MXRA5: variants seen among roughly 807,000 people sequenced by gnomAD.
MXRA5 encodes matrix remodeling associated 5.
MXRA5 carries 41 observed loss-of-function variants against 112.5 expected under a neutral mutation model. The ratio of observed to expected loss-of-function variants is 0.36; its 90% confidence interval spans 0.28 to 0.47. The LOEUF is 0.47. Among genes scored for constraint, MXRA5 ranks in the 20% least tolerant of loss-of-function variants. MXRA5 has a pLI of 0.99. For synonymous variants in MXRA5, 862 were observed against 900.8 expected (o/e 0.96, Z 0.77); for missense variants, 2,150 against 2,251.0 (o/e 0.96, Z 0.91).
chrX:3,321,533 C>T lies in MXRA5; in HGVS notation c.4152G>A (p.Arg1384=). Residue 1384 remains arginine (R), a synonymous_variant, in exon 5 of 7, where the codon AGG becomes AGA. Transcript: ENST00000217939. The part of the protein sequence containing the change: ...FPGTPTWNPS[R]TAQPGRLQTG... ...TCTGTAGCCTCCCAGGCTGGGCCGT[C>T]CTTGAGGGATTCCAGGTTGGAGTTC... 8.3e-7 allele frequency: 1 copy of T among 1,210,152 alleles called. No individual in the cohort carries two copies. Among genetic ancestry groups the T allele is most frequent in the Non-Finnish European group, 1.1e-6 (1 of 894,688 alleles).
chrX:3,324,008 C>T lies in MXRA5; in HGVS notation c.1677G>A (p.Val559=), dbSNP rs775663017. ...DSGLYQCIAQ[V]RDEMDRMVYR... Reference sequence around the variant, plus strand: ...ATACCATGCGGTCCATTTCATCCCTCACTTGAGCAATGCACTGGTACAAGC... The same window carrying T: ...ATACCATGCGGTCCATTTCATCCCTTACTTGAGCAATGCACTGGTACAAGC... Residue 559 remains valine (V), a synonymous_variant, in exon 5 of 7, where the codon GTG becomes GTA. Transcript: ENST00000217939. 1.9e-5 allele frequency: 23 copies of T among 1,203,388 alleles called. No individual in the cohort carries two copies. The highest frequency in any genetic ancestry group is 8.9e-5 in the East Asian group (3 of 33,626).
At chrX:3,331,648 C>T (rs1452889511) in intron 2 of MXRA5, among the ~76,000 whole-genome samples, 5 of 112,313 alleles carry the variant, frequency 4.5e-5, no homozygotes, top group Non-Finnish European at 9.4e-5. Context: ...CAAAGTTACT[C>T]GTAGACATGC....
In MXRA5 at chrX:3,310,723, G is replaced by A. The variant is rs1230416299; in HGVS notation, c.7480C>T (p.Arg2494Trp). 2 of 1,199,492 alleles carry A rather than the reference G, an allele frequency of 1.7e-6. No individual in the cohort carries two copies. The highest frequency in any genetic ancestry group is 2.3e-5 in the Admixed American group (1 of 44,262). The change falls in exon 7 of 7, where the codon CGG (arginine) becomes TGG (tryptophan). Residue 2494 changes from arginine (R) to tryptophan (W), a missense_variant. Coordinates refer to ENST00000217939, the MANE Select transcript of MXRA5 (RefSeq NM_015419.4). ...VVLPAPYYGN[R>W]ITVHGNGSLD... is the part of the protein sequence containing the mutation. ...GAACCGTTGCCATGGACAGTGATCC[G>A]GTTTCCATAGTATGGAGCTGGCAGA...
chrX:3,317,906 C>T lies in MXRA5; in HGVS notation c.5775G>A (p.Gln1925=), dbSNP rs1603467898. The change falls in exon 6 of 7, where the codon CAG becomes CAA. Residue 1925 remains glutamine (Q), a synonymous_variant. Transcript: ENST00000217939. ...GCAGGTTGCTGGCGGTGCACATATA[C>T]TGGCCTCGATCTTGTACTTGAACCT... ...IRKVQVQDRG[Q]YMCTASNLHG... is the part of the protein sequence containing the mutation. 1 of 1,211,547 alleles carries T rather than the reference C, an allele frequency of 8.3e-7. No individual in the cohort carries two copies. The highest frequency in any genetic ancestry group is 1.1e-6 in the Non-Finnish European group (1 of 895,421).
At position 3,341,026 on chromosome X, in the gene MXRA5, A is replaced by ATTATATTATACATAAT. The variant is rs1569188280; in HGVS notation, c.188+2619_188+2620insATTATGTATAATATAA. 3.0e-3 allele frequency among the ~76,000 whole-genome samples: 166 copies of ATTATATTATACATAAT among 55,484 alleles called. 1 individual carries two copies. Among genetic ancestry groups the ATTATATTATACATAAT allele is most frequent in the Non-Finnish European group, 5.3e-3 (152 of 28,627 alleles). 48.2% of individuals were successfully genotyped at this position (55,484 alleles called of 115,157 possible). A position where few individuals can be genotyped will look rare whatever the true frequency, so the allele number is the denominator to read the frequency against. On this transcript the variant is annotated intron_variant, in intron 2 of 6. Coordinates refer to ENST00000217939, the MANE Select transcript of MXRA5 (RefSeq NM_015419.4). ...AATATATATTATACATGATATATAT[A>ATTATATTATACATAAT]ATGTATAATATATATTGTGTATAAT... is the stretch of plus-strand genomic sequence containing the variant.
chrX:3,326,377 T>G (rs1459307410), intron 4 of MXRA5, among the ~76,000 whole-genome samples: 1 of 100,387 alleles, frequency 1.0e-5, no homozygotes, highest in Non-Finnish European at 2.0e-5. Context: ...ATTTATAATT[T>G]GTAATATATA....
Position 3,311,488 on chromosome X carries a change from C to A in MXRA5, c.6715G>T (p.Val2239Leu), listed in dbSNP as rs747821405. 7.4e-6 allele frequency: 9 copies of A among 1,211,965 alleles called. No individual in the cohort carries two copies. In the East Asian group the frequency reaches 2.1e-4, roughly 28 times the overall value. Reference sequence around the variant, plus strand: ...TGTTCAATCTTGGCCGGTTTCATCACCACATCCACTTTGAGCACCACGTAG... The same window carrying A: ...TGTTCAATCTTGGCCGGTTTCATCAACACATCCACTTTGAGCACCACGTAG... ...DDYVVLKVDV[V>L]MKPAKIEHKE... The change falls in exon 7 of 7, where the codon GTG (valine) becomes TTG (leucine). Residue 2239 changes from valine (V) to leucine (L), a missense_variant. Physicochemically the swap from Val to Leu is conservative, Grantham distance 32 (BLOSUM62 1). Around this residue, in one of 6 missense-constraint regions of MXRA5, gnomAD observed 1,485 missense variants for 1,471.6 expected, o/e 1.01. Coordinates refer to ENST00000217939, the MANE Select transcript of MXRA5 (RefSeq NM_015419.4).
Position 3,322,733 on chromosome X carries a change from A to C in MXRA5, c.2952T>G (p.Thr984=). ...TCTTATCCTCATCTGGTTGTGACTT[A>C]GTCTCCAAATCTGGGTCAAAGTATT... is the stretch of plus-strand genomic sequence containing the variant. ...PMQYFDPDLE[T]KSQPDEDKMK... Residue 984 remains threonine (T), a synonymous_variant, in exon 5 of 7, where the codon ACT becomes ACG. Transcript: ENST00000217939. 1.7e-6 allele frequency: 2 copies of C among 1,211,624 alleles called. No homozygotes were observed. The highest frequency in any genetic ancestry group is 2.2e-6 in the Non-Finnish European group (2 of 895,520).
intron 2 of MXRA5, among the ~76,000 whole-genome samples, chrX:3,337,554 CATCT>C (rs1569187554): frequency 8.9e-6 from 1 of 111,816 alleles, no homozygotes; most frequent in Non-Finnish European, 1.9e-5. Context: ...TCTATCAATC[CATCT>C]ATCATCCTAT....
In MXRA5 at chrX:3,320,658, A is replaced by C; in HGVS notation, c.5027T>G (p.Leu1676Trp). 1.7e-6 allele frequency: 2 copies of C among 1,211,894 alleles called. No homozygotes were observed. Among genetic ancestry groups the C allele is most frequent in the Non-Finnish European group, 2.2e-6 (2 of 895,489 alleles). Reference protein sequence around the residue: ...RLSSTTIPLPLHMSKPSIPSK... With the variant: ...RLSSTTIPLPWHMSKPSIPSK... ...AGGAATGCTGGGTTTGGACATGTGC[A>C]ATGGGAGAGGAATTGTTGTACTTGA... Residue 1676 changes from leucine to tryptophan, a missense_variant, in exon 5 of 7, where the codon TTG (leucine) becomes TGG (tryptophan). Leu to Trp is a moderately conservative substitution (Grantham distance 61, BLOSUM62 -2). Transcript: ENST00000217939.
chrX:3,335,625 T>C (rs905226304), intron 2 of MXRA5, among the ~76,000 whole-genome samples: 4 of 112,522 alleles, frequency 3.6e-5, no homozygotes, highest in African/African-American at 1.3e-4. Context: ...TCAGAATTGT[T>C]CAGAGGTTTT....
rs777764445 is a variant in MXRA5, at chrX:3,330,326, A to G, written c.401T>C (p.Ile134Thr). 4 of 1,208,748 alleles carry G rather than the reference A, an allele frequency of 3.3e-6. No homozygotes were observed. Among genetic ancestry groups the G allele is most frequent in the African/African-American group, 3.5e-5 (2 of 56,963 alleles). Residue 134 changes from isoleucine to threonine, a missense_variant, in exon 4 of 7, where the codon ATT becomes ACT. Transcript: ENST00000217939. Reference sequence around the variant, plus strand: ...GATAAACTCGATCTTGTTGTGGTCAATGTGCAGCCTCATTAAGTTAGAGAG... The same window carrying G: ...GATAAACTCGATCTTGTTGTGGTCAGTGTGCAGCCTCATTAAGTTAGAGAG... ...QGLSNLMRLH[I>T]DHNKIEFIHP...
At position 3,330,754 on chromosome X, in the gene MXRA5, G is replaced by T; in HGVS notation, c.208C>A (p.Leu70Met). 8.4e-7 allele frequency: 1 copy of T among 1,189,880 alleles called. No individual in the cohort carries two copies. The highest frequency in any genetic ancestry group is 1.1e-6 in the Non-Finnish European group (1 of 880,658). The change falls in exon 3 of 7, where the codon CTG (leucine) becomes ATG (methionine). Residue 70 changes from leucine (L) to methionine (M), a missense_variant. By Grantham distance (15) the Leu-to-Met change is conservative (BLOSUM62 2). Around this residue, in one of 6 missense-constraint regions of MXRA5, gnomAD observed 386 missense variants for 411.0 expected, o/e 0.94. Coordinates refer to ENST00000217939, the MANE Select transcript of MXRA5 (RefSeq NM_015419.4). ...AGTCCTGCAAATGAGGTTTCTGACA[G>T]GGCCTGTATGCTATTAAACCTAAAG... ...INLGFNSIQA[L>M]SETSFAGLTK... is the part of the protein sequence containing the mutation.
chrX:3,338,394 T>C (rs5983128), intron 2 of MXRA5, among the ~76,000 whole-genome samples: 21,410 of 109,308 alleles, frequency 0.2, 2,871 homozygotes, highest in African/African-American at 0.48. Flanking sequence ...GATAGACAGA[T>C]AGATAGATAG....
Position 3,309,815 on chromosome X carries a change from G to A in MXRA5, c.8388C>T (p.Thr2796=), listed in dbSNP as rs1269424051. 1.7e-6 allele frequency: 2 copies of A among 1,211,725 alleles called. No homozygotes were observed. The highest frequency in any genetic ancestry group is 2.2e-6 in the Non-Finnish European group (2 of 895,454). Residue 2796 remains threonine, a synonymous_variant, in exon 7 of 7, where the codon ACC becomes ACT. Coordinates refer to ENST00000217939, the MANE Select transcript of MXRA5 (RefSeq NM_015419.4). ...NRFLHPQGSL[T]IQHATQRDAG... ...CATCTCTCTGTGTGGCATGCTGGAT[G>A]GTCAGTGATCCCTGGGGGTGAAGAA...
chrX:3,322,487 T>A lies in MXRA5; in HGVS notation c.3198A>T (p.Thr1066=), dbSNP rs1921338877. The change falls in exon 5 of 7, where the codon ACA becomes ACT. Residue 1066 remains threonine (T), a synonymous_variant. Coordinates refer to ENST00000217939, the MANE Select transcript of MXRA5 (RefSeq NM_015419.4). ...IKKGMKEMSQ[T]LQGGNMLEGD... is the part of the protein sequence containing the mutation. ...CCTCTAGCATATTTCCTCCCTGTAGTGTCTGAGACATCTCTTTCATACCCT... is the reference window on the plus strand; with the variant it reads ...CCTCTAGCATATTTCCTCCCTGTAGAGTCTGAGACATCTCTTTCATACCCT... The A allele has an allele frequency of 9.9e-6, 12 of 1,211,747 alleles. No homozygotes were observed. The highest frequency in any genetic ancestry group is 1.3e-5 in the Non-Finnish European group (12 of 895,472).
chrX:3,333,302 C>A (rs1439441692), intron 2 of MXRA5, among the ~76,000 whole-genome samples: 6 of 14,808 alleles, frequency 4.1e-4, no homozygotes, highest in East Asian at 3.5e-3. Context: ...TACCCCATAT[C>A]AAAAAAAAAA....
At chrX:3,312,319 C>T (rs140847987) in intron 6 of MXRA5, among the ~76,000 whole-genome samples, 130 of 111,221 alleles carry the variant, frequency 1.2e-3, no homozygotes, top group Middle Eastern at 9.1e-3. Context: ...CAAGCACTGC[C>T]GAGTTAATAA....
In MXRA5 at chrX:3,321,392, T is replaced by C; in HGVS notation, c.4293A>G (p.Pro1431=). The stretch of plus-strand genomic sequence containing the variant: ...AAGAACCAGCTTCTTCCTGGTGAAA[T>C]GGTGTGGAGACTGTCAAAGAGGACA... ...EFLSSLTVST[P]FHQEEAGSST... The change falls in exon 5 of 7, where the codon CCA becomes CCG. Residue 1431 remains proline, a synonymous_variant. Coordinates refer to ENST00000217939, the MANE Select transcript of MXRA5 (RefSeq NM_015419.4). The C allele has an allele frequency of 8.3e-7, 1 of 1,211,453 alleles. No homozygotes were observed. The highest frequency in any genetic ancestry group is 1.8e-5 in the South Asian group (1 of 56,964).
Sources: allele counts gnomAD v4.1 joint callset (sites outside exome capture counted in the v4.1 genomes callset), GRCh38; gene constraint gnomAD v4.1.1; regional missense constraint gnomAD v4.1.1; transcripts MANE v1.5; gene names NCBI Gene and HGNC (gene_info 2026-07-23, HGNC 2026-07-21).